Variants in MSH3 observed in about 807,000 individuals in gnomAD.
MSH3 encodes the protein DNA mismatch repair protein Msh3.
Under a neutral mutation model 123.3 loss-of-function variants are expected in MSH3, and 106 were observed. The observed-to-expected ratio is 0.86, with a 90% confidence interval of 0.73 to 1.01. The LOEUF (loss-of-function observed/expected upper bound fraction) is 1.01. Ranked by LOEUF, MSH3 falls within the 50% of genes least tolerant of loss-of-function variation. MSH3 has a pLI of 0.00. For synonymous variants in MSH3, 515 were observed against 481.4 expected (o/e 1.07, Z -0.91); for missense variants, 1,459 against 1,347.6 (o/e 1.08, Z -1.29).
chr5:80,854,394 C>A, intron 21 of MSH3, 78 bp downstream of exon 21: 1 of 1,314,340 alleles, frequency 7.6e-7, no homozygotes, highest in Non-Finnish European at 1.1e-6. Flanking sequence ...ATAATTGTGC[C>A]ATATTTATGG....
intron 15 of MSH3, 140 bp from the exon 16 acceptor site, chr5:80,775,553 AT>A: frequency 1.6e-6 from 1 of 619,992 alleles, no homozygotes; most frequent in Non-Finnish European, 2.9e-6. Context: ...GTATTGACAT[AT>A]ATACAGTCTG....
At chr5:80,833,984 C>T (rs1745464061) in intron 20 of MSH3, among the ~76,000 whole-genome samples, 1 of 152,166 alleles carries the variant, frequency 6.6e-6, no homozygotes, top group South Asian at 2.1e-4. Flanking sequence ...ATAAACTATA[C>T]ATTTCTTAAA....
chr5:80,706,684 A>G (rs1191639144), intron 8 of MSH3, among the ~76,000 whole-genome samples: 2 of 152,216 alleles, frequency 1.3e-5, no homozygotes, highest in African/African-American at 2.4e-5. Context: ...GTTTTCTTCA[A>G]AACGAGAGAT....
In MSH3 at chr5:80,744,211, G is replaced by A. The variant is rs145012826; in HGVS notation, c.1654-295G>A. On this transcript the variant is annotated intron_variant, in intron 11 of 23. Transcript: ENST00000265081. Reference sequence around the variant, plus strand: ...TTCCTATGTTGTATTTCCCAAGGTAGGAAAGTATGCAATTATATTTTAAAG... The same window carrying A: ...TTCCTATGTTGTATTTCCCAAGGTAAGAAAGTATGCAATTATATTTTAAAG... Among the ~76,000 whole-genome samples, 3 of 152,210 alleles carry A rather than the reference G, an allele frequency of 2.0e-5. No homozygotes were observed. In the East Asian group the frequency reaches 5.8e-4, roughly 29 times the overall value.
At chr5:80,712,757 T>C (rs1349190003) in intron 8 of MSH3, among the ~76,000 whole-genome samples, 1 of 152,178 alleles carries the variant, frequency 6.6e-6, no homozygotes, top group Non-Finnish European at 1.5e-5. Flanking sequence ...GTGATCTGTT[T>C]TCTTTGCATC....
chr5:80,770,400 T>C (rs928782511), intron 15 of MSH3, among the ~76,000 whole-genome samples: 2 of 152,070 alleles, frequency 1.3e-5, no homozygotes, highest in Non-Finnish European at 1.5e-5. Flanking sequence ...TTAAAATACA[T>C]GAAAGTGCTT....
chr5:80,655,005 G>T lies in MSH3; in HGVS notation c.237+41G>T, dbSNP rs985800048. 9 of 1,249,238 alleles carry T rather than the reference G, an allele frequency of 7.2e-6. No individual in the cohort carries two copies. The East Asian group carries it at 2.4e-4, about 33-fold the overall frequency. 77.4% of individuals were successfully genotyped at this position (1,249,238 alleles called of 1,614,324 possible). A position where few individuals can be genotyped will look rare whatever the true frequency, so the allele number is the denominator to read the frequency against. On this transcript the variant is annotated intron_variant, in intron 1 of 23. Transcript: ENST00000265081. ...GACTGGGCAGGGCCATCGGGGCTGG[G>T]GGGGCGGGGCTTGTGGGTAAGGCGG...
chr5:80,761,263 A>T (rs1353081440), intron 12 of MSH3, among the ~76,000 whole-genome samples: 1 of 152,116 alleles, frequency 6.6e-6, no homozygotes, highest in Non-Finnish European at 1.5e-5. Context: ...CGCCTCACAG[A>T]CTGTAATCCC....
chr5:80,655,031 G>A, intron 1 of MSH3, 67 bp downstream of exon 1: 1 of 989,290 alleles, frequency 1.0e-6, no homozygotes, highest in Non-Finnish European at 1.4e-6. Flanking sequence ...GGTAAGGCGG[G>A]CGGAGGCGGG....
rs118040221 is a variant in MSH3, at chr5:80,733,713, G to A, written c.1568+4748G>A. ...ATATATGCAAACAACCAAGAAGCAC[G>A]TGAAAATATGCTCAACATCATTAAG... On this transcript the variant is annotated intron_variant, in intron 10 of 23. Coordinates refer to ENST00000265081, the MANE Select transcript of MSH3 (RefSeq NM_002439.5). Among the ~76,000 whole-genome samples the A allele has an allele frequency of 2.0e-3, 308 of 152,116 alleles. 3 individuals are homozygous for A. The East Asian group carries it at 0.024, about 12-fold the overall frequency.
At position 80,813,705 on chromosome 5, in the gene MSH3, A is replaced by T. The variant is rs1580066566; in HGVS notation, c.2777A>T (p.Glu926Val). The change falls in exon 20 of 24, where the codon GAA (glutamate) becomes GTA (valine). Residue 926 changes from glutamate (E) to valine (V), a missense_variant. Transcript: ENST00000265081. ...ATTGGCTCCTATGTTCCTGCAGAAG[A>T]AGCGACAATTGGGATTGTGGATGGC... ...AQIGSYVPAE[E>V]ATIGIVDGIF... 1.9e-6 allele frequency: 3 copies of T among 1,614,220 alleles called. No homozygotes were observed. The highest frequency in any genetic ancestry group is 2.5e-6 in the Non-Finnish European group (3 of 1,180,036).
chr5:80,692,427 GAT>G (rs1406657750), intron 8 of MSH3, among the ~76,000 whole-genome samples: 512 of 38,504 alleles, frequency 0.013, 200 homozygotes, highest in Middle Eastern at 0.077. Flanking sequence ...TATATGTTTA[GAT>G]AGATAAACAT....
chr5:80,747,203 C>T (rs1243248254), intron 12 of MSH3, among the ~76,000 whole-genome samples: 1 of 152,160 alleles, frequency 6.6e-6, no homozygotes, highest in East Asian at 1.9e-4. Flanking sequence ...TTTTTGCTTA[C>T]ATGTTACAGC....
At chr5:80,859,435 A>G (rs1745972833) in intron 21 of MSH3, among the ~76,000 whole-genome samples, 1 of 151,978 alleles carries the variant, frequency 6.6e-6, no homozygotes, top group African/African-American at 2.4e-5. Context: ...CCCTCCATAT[A>G]TTTTTAATAT....
intron 8 of MSH3, among the ~76,000 whole-genome samples, chr5:80,684,237 G>C (rs1202938290): frequency 6.6e-6 from 1 of 152,244 alleles, no homozygotes; most frequent in Non-Finnish European, 1.5e-5. Flanking sequence ...CTGATATTTT[G>C]ATAGGGATTG....
At chr5:80,782,398 C>G (rs1744426749) in intron 17 of MSH3, among the ~76,000 whole-genome samples, 1 of 151,928 alleles carries the variant, frequency 6.6e-6, no homozygotes, top group Non-Finnish European at 1.5e-5. Context: ...TACAGTATAA[C>G]TGCTATTTAT....
chr5:80,754,722 A>G (rs980540693), intron 12 of MSH3, among the ~76,000 whole-genome samples: 1 of 152,172 alleles, frequency 6.6e-6, no homozygotes, highest in Non-Finnish European at 1.5e-5. Flanking sequence ...ATCTTTGACT[A>G]CATTTTTGCA....
intron 19 of MSH3, among the ~76,000 whole-genome samples, chr5:80,797,108 C>G (rs1263824861): frequency 6.6e-6 from 1 of 151,460 alleles, no homozygotes; most frequent in Non-Finnish European, 1.5e-5. Context: ...CTCCCCAGCT[C>G]TGGCTTGTTC....
intron 10 of MSH3, among the ~76,000 whole-genome samples, chr5:80,729,460 G>GTATATATATATATATA (rs376372477): frequency 5.6e-4 from 53 of 95,028 alleles, no homozygotes; most frequent in Middle Eastern, 0.012. Flanking sequence ...GTGTGTGTGT[G>GTATATATATATATATA]TATATATATA....
Sources: allele counts gnomAD v4.1 joint callset (sites outside exome capture counted in the v4.1 genomes callset), GRCh38; gene constraint gnomAD v4.1.1; transcripts MANE v1.5; gene names NCBI Gene and HGNC (gene_info 2026-07-23, HGNC 2026-07-21).